DACH1: variants seen among roughly 807,000 people sequenced by gnomAD.
DACH1 encodes dachshund homolog 1.
Under a neutral mutation model 54.2 loss-of-function variants are expected in DACH1, and 12 were observed. The observed-to-expected ratio is 0.22, with a 90% CI of 0.14 to 0.36. The LOEUF is 0.36. DACH1 is among the 10% of genes least tolerant of loss of function. The pLI is 1.00. For synonymous variants in DACH1, 386 were observed against 366.2 expected (o/e 1.05, Z -0.62); for missense variants, 805 against 929.8 (o/e 0.87, Z 1.75).
chr13:71,633,569 A>C (rs557729459), intron 2 of DACH1, among the ~76,000 whole-genome samples: 1 of 151,816 alleles, frequency 6.6e-6, no homozygotes, highest in Admixed American at 6.6e-5. Context: ...TACATTTCTA[A>C]TACAAAGTCC....
At chr13:71,696,533 A>T (rs1881842058) in intron 1 of DACH1, among the ~76,000 whole-genome samples, 1 of 151,896 alleles carries the variant, frequency 6.6e-6, no homozygotes, top group South Asian at 2.1e-4. Context: ...CCATATCTAG[A>T]TAATTTTTCA....
chr13:71,683,945 G>A (rs1170570771), intron 1 of DACH1, among the ~76,000 whole-genome samples: 1 of 152,070 alleles, frequency 6.6e-6, no homozygotes, highest in Non-Finnish European at 1.5e-5. Context: ...TCTGAACTCA[G>A]CATCTATCCC....
intron 3 of DACH1, among the ~76,000 whole-genome samples, chr13:71,622,079 T>C (rs1876290471): frequency 6.6e-6 from 1 of 152,020 alleles, no homozygotes; most frequent in South Asian, 2.1e-4. Context: ...TCTTAATGAA[T>C]TGACATTTTT....
chr13:71,708,827 T>C (rs1594121809), intron 1 of DACH1, among the ~76,000 whole-genome samples: 2 of 150,630 alleles, frequency 1.3e-5, no homozygotes, highest in East Asian at 3.9e-4. Flanking sequence ...CAATAAGCTT[T>C]CTCAGGGTTT....
intron 1 of DACH1, among the ~76,000 whole-genome samples, chr13:71,711,809 G>A (rs375876809): frequency 1.7e-3 from 254 of 152,102 alleles, no homozygotes; most frequent in African/African-American, 5.7e-3. Flanking sequence ...AGTCACATGA[G>A]GAATGTTTTT....
chr13:71,511,816 T>G (rs1880796395), intron 6 of DACH1, among the ~76,000 whole-genome samples: 1 of 151,996 alleles, frequency 6.6e-6, no homozygotes. Flanking sequence ...CAGCAACTAT[T>G]GAAACCAATC....
chr13:71,696,065 A>T (rs896125930), intron 1 of DACH1, among the ~76,000 whole-genome samples: 5 of 152,100 alleles, frequency 3.3e-5, no homozygotes, highest in African/African-American at 1.2e-4. Context: ...AAACAATGAG[A>T]TCTAGGGAGG....
At chr13:71,448,609 C>T (rs1433982846) in intron 10 of DACH1, among the ~76,000 whole-genome samples, 1 of 152,132 alleles carries the variant, frequency 6.6e-6, no homozygotes. Flanking sequence ...AGCAGAGACA[C>T]AAAGTCTACA....
At chr13:71,835,555 A>G (rs1364316109) in intron 1 of DACH1, among the ~76,000 whole-genome samples, 1 of 152,032 alleles carries the variant, frequency 6.6e-6, no homozygotes, top group African/African-American at 2.4e-5. Context: ...CTCATCTCTA[A>G]GCTACTGGTG....
At position 71,867,134 on chromosome 13, in the gene DACH1, T is replaced by A; in HGVS notation, c.-365A>T. The A allele has an allele frequency of 1.0e-5, 2 of 192,852 alleles. No individual in the cohort carries two copies. The allele number at this position is 192,852 out of a possible 1,614,324, so 11.9% of individuals were successfully genotyped here. A position where few individuals can be genotyped will look rare whatever the true frequency, so the allele number is the denominator to read the frequency against. On this transcript the variant is annotated 5_prime_UTR_variant, in exon 1 of 11. Transcript: ENST00000613252. ...TCTAGCACAAAGTTAAGGATGAAGGTGAAAAGGAGGAGGTTTGAAGGACTT... is the reference window on the plus strand; with the variant it reads ...TCTAGCACAAAGTTAAGGATGAAGGAGAAAAGGAGGAGGTTTGAAGGACTT...
intron 6 of DACH1, among the ~76,000 whole-genome samples, chr13:71,498,881 A>C (rs1566298450): frequency 6.6e-6 from 1 of 152,080 alleles, no homozygotes; most frequent in East Asian, 1.9e-4. Context: ...CTGTATCTGT[A>C]TTTCAAAAAT....
At chr13:71,702,136 A>C (rs1029806529) in intron 1 of DACH1, among the ~76,000 whole-genome samples, 1 of 152,190 alleles carries the variant, frequency 6.6e-6, no homozygotes, top group Non-Finnish European at 1.5e-5. Context: ...AAGTCACAAG[A>C]AATGTATACA....
intron 1 of DACH1, among the ~76,000 whole-genome samples, chr13:71,750,271 C>A (rs976415135): frequency 2.0e-5 from 3 of 152,174 alleles, no homozygotes; most frequent in Non-Finnish European, 4.4e-5. Flanking sequence ...CCAGTAGCAA[C>A]CACTTACCCT....
chr13:71,749,581 T>C (rs1403555735), intron 1 of DACH1, among the ~76,000 whole-genome samples: 4 of 152,186 alleles, frequency 2.6e-5, no homozygotes, highest in Non-Finnish European at 5.9e-5. Flanking sequence ...ACTAATATTT[T>C]GACAAATTTA....
At chr13:71,663,615 C>T (rs1455362925) in intron 2 of DACH1, among the ~76,000 whole-genome samples, 1 of 151,864 alleles carries the variant, frequency 6.6e-6, no homozygotes, top group East Asian at 1.9e-4. Context: ...TTACTAGCCA[C>T]CAATATTTAG....
chr13:71,634,711 G>C (rs1877344142), intron 2 of DACH1, among the ~76,000 whole-genome samples: 1 of 152,088 alleles, frequency 6.6e-6, no homozygotes, highest in Non-Finnish European at 1.5e-5. Context: ...TACCCCACTT[G>C]CTTGTGTTTG....
intron 2 of DACH1, among the ~76,000 whole-genome samples, chr13:71,651,460 A>C (rs1878660450): frequency 6.6e-6 from 1 of 152,168 alleles, no homozygotes; most frequent in Non-Finnish European, 1.5e-5. Flanking sequence ...TGGGGGTTCA[A>C]GATCAGTCTG....
intron 2 of DACH1, among the ~76,000 whole-genome samples, chr13:71,660,111 G>C (rs1420501708): frequency 6.6e-6 from 1 of 152,130 alleles, no homozygotes; most frequent in East Asian, 1.9e-4. Context: ...ATAGCCTGCT[G>C]TAGGGAATTA....
chr13:71,720,863 A>G (rs376276041), intron 1 of DACH1, among the ~76,000 whole-genome samples: 2 of 152,170 alleles, frequency 1.3e-5, no homozygotes, highest in African/African-American at 4.8e-5. Context: ...TATATCAAGC[A>G]GTTATCTCTC....
Sources: allele counts gnomAD v4.1 joint callset (sites outside exome capture counted in the v4.1 genomes callset), GRCh38; gene constraint gnomAD v4.1.1; transcripts MANE v1.5; gene names NCBI Gene and HGNC (gene_info 2026-07-23, HGNC 2026-07-21).